The following RB1 variants were observed in gnomAD, a reference collection of about 807,000 sequenced individuals.
RB1 encodes retinoblastoma-associated protein.
A neutral mutation model predicts 135.4 loss-of-function variants in RB1; 18 were observed. The ratio of observed to expected loss-of-function variants is 0.13; its 90% CI spans 0.09 to 0.20. The LOEUF (loss-of-function observed/expected upper bound fraction) is 0.20. RB1 is among the 10% of genes least tolerant of loss of function. The pLI, the probability that RB1 is intolerant of heterozygous loss-of-function variation, is 1.00. For missense variants in RB1, 868 were observed against 1,110.0 expected, an observed-to-expected ratio of 0.78 and a Z score of 3.10; for synonymous variants, 365 against 373.2, an observed-to-expected ratio of 0.98 and a Z score of 0.25.
In RB1 at chr13:48,319,888, T is replaced by A; in HGVS notation, c.264+12482T>A. 1.2e-5 allele frequency: 4 copies of A among 329,830 alleles called. No homozygotes were observed. The highest frequency in any genetic ancestry group is 1.2e-5 in the Non-Finnish European group (2 of 169,002). 20.4% of individuals were successfully genotyped at this position (329,830 alleles called of 1,614,324 possible). A position where few individuals can be genotyped will look rare whatever the true frequency, so the allele number is the denominator to read the frequency against. On this transcript the variant is annotated intron_variant, in intron 2 of 26. Transcript: ENST00000267163. This position sits in a 1 kb window ranked among gnomAD's most constrained non-coding sequence, Gnocchi z 5.0. ...ACCCTAGTCCTCACTGGATCTCACC[T>A]GGCTGCCAGGGCCACCACCTGAGCC...
At chr13:48,379,503 C>T in intron 13 of RB1, 91 bp from the exon 14 acceptor site, 4 of 1,470,908 alleles carry the variant, frequency 2.7e-6, no homozygotes, top group Non-Finnish European at 3.6e-6. Context: ...CTGGGCAAAA[C>T]AGTGAGACTC....
At chr13:48,408,371 A>G (rs1296234870) in intron 17 of RB1, among the ~76,000 whole-genome samples, 1 of 151,962 alleles carries the variant, frequency 6.6e-6, no homozygotes, top group African/African-American at 2.4e-5. Flanking sequence ...CTGGAAAGCC[A>G]TTTTTCCACA....
intron 16 of RB1, 44 bp downstream of exon 16, chr13:48,380,285 G>C: frequency 2.1e-6 from 3 of 1,400,268 alleles, no homozygotes; most frequent in South Asian, 1.2e-5. Flanking sequence ...TCAATTTAAA[G>C]TTAAAATGTG....
intron 2 of RB1, among the ~76,000 whole-genome samples, chr13:48,325,586 TAA>T (rs1216651272): frequency 6.6e-6 from 1 of 152,228 alleles, no homozygotes; most frequent in African/African-American, 2.4e-5. Flanking sequence ...AGGCAACTAA[TAA>T]AAGTTTCTAG....
At chr13:48,449,682 C>G (rs1284022327) in intron 17 of RB1, among the ~76,000 whole-genome samples, 1 of 152,046 alleles carries the variant, frequency 6.6e-6, no homozygotes, top group Non-Finnish European at 1.5e-5. Flanking sequence ...CATGATTGTG[C>G]CACTGTGCTC....
At chr13:48,409,772 G>A (rs374414618) in intron 17 of RB1, among the ~76,000 whole-genome samples, 1 of 151,384 alleles carries the variant, frequency 6.6e-6, no homozygotes, top group African/African-American at 2.4e-5. Flanking sequence ...GTAGAGACGG[G>A]GTTTCACCAT....
At chr13:48,361,252 G>A (rs1219313158) in intron 7 of RB1, among the ~76,000 whole-genome samples, 3 of 152,042 alleles carry the variant, frequency 2.0e-5, no homozygotes, top group Admixed American at 2.0e-4. Flanking sequence ...TAATTCAAAT[G>A]TACATGTGAA....
intron 7 of RB1, chr13:48,360,551 T>G (rs958359294): frequency 5.7e-6 from 1 of 176,602 alleles, no homozygotes; most frequent in African/African-American, 2.4e-5. Flanking sequence ...TGGGGAAGAG[T>G]GGCCTATTCT....
intron 6 of RB1, among the ~76,000 whole-genome samples, chr13:48,350,045 ATAT>A (rs934837435): frequency 1.3e-5 from 2 of 152,172 alleles, no homozygotes; most frequent in African/African-American, 4.8e-5. Flanking sequence ...TATAAAGCAA[ATAT>A]TATTAGAGCT....
At chr13:48,453,183 T>C (rs549786289) in intron 18 of RB1, 72 bp downstream of exon 18, 1 of 1,391,666 alleles carries the variant, frequency 7.2e-7, no homozygotes, top group East Asian at 2.3e-5. Context: ...AATGTAACAT[T>C]CTATAAAGAA....
At chr13:48,339,395 G>A (rs557508179) in intron 2 of RB1, among the ~76,000 whole-genome samples, 3 of 152,272 alleles carry the variant, frequency 2.0e-5, no homozygotes, top group Non-Finnish European at 4.4e-5. Flanking sequence ...TCCTAGCCTC[G>A]CTACTGCCTT....
chr13:48,381,497 T>C, intron 17 of RB1, 54 bp downstream of exon 17: 2 of 1,510,118 alleles, frequency 1.3e-6, no homozygotes, highest in Non-Finnish European at 1.8e-6. Context: ...GCTAACAAAT[T>C]ATTGTTAGTG....
At chr13:48,438,556 GT>G (rs776106522) in intron 17 of RB1, among the ~76,000 whole-genome samples, 264 of 145,822 alleles carry the variant, frequency 1.8e-3, no homozygotes, top group Non-Finnish European at 2.7e-3. Context: ...TTACTTATCT[GT>G]TTTTTTTTTC....
At chr13:48,388,675 T>C (rs142284424) in intron 17 of RB1, among the ~76,000 whole-genome samples, 60 of 152,294 alleles carry the variant, frequency 3.9e-4, no homozygotes, top group Non-Finnish European at 7.8e-4. Context: ...CTTTGCTGAG[T>C]AACTGAAGTT....
intron 3 of RB1, among the ~76,000 whole-genome samples, chr13:48,344,249 T>C (rs574385423): frequency 6.6e-6 from 1 of 152,374 alleles, no homozygotes; most frequent in South Asian, 2.1e-4. Context: ...TTAAATCAAC[T>C]TTCCTTTTCC....
chr13:48,318,447 G>T (rs750748415), intron 2 of RB1: 7 of 1,439,954 alleles, frequency 4.9e-6, no homozygotes, highest in Non-Finnish European at 6.7e-6. Flanking sequence ...CTTGTCTTCG[G>T]AGCTCTCCTT....
At chr13:48,476,577 GA>G in intron 24 of RB1, 123 bp from the exon 25 acceptor site, 1 of 1,015,586 alleles carries the variant, frequency 9.8e-7, no homozygotes, top group Non-Finnish European at 1.5e-6. Context: ...CAATGAAGCA[GA>G]AAATTTAAAT....
intron 17 of RB1, among the ~76,000 whole-genome samples, chr13:48,421,797 G>T (rs1184202985): frequency 1.3e-5 from 2 of 152,192 alleles, no homozygotes; most frequent in African/African-American, 4.8e-5. Context: ...TTAATGAAAT[G>T]CAAATCAAAA....
intron 9 of RB1, among the ~76,000 whole-genome samples, chr13:48,367,203 C>T (rs1360006346): frequency 6.6e-6 from 1 of 150,410 alleles, no homozygotes; most frequent in East Asian, 1.9e-4. Context: ...TATTATAATA[C>T]CTATTTTTAT....
Sources: gnomAD v4.1 joint callset for allele counts (sites outside exome capture counted in the v4.1 genomes callset) on GRCh38, gnomAD v4.1.1 for gene constraint, Gnocchi (gnomAD v3.1) non-coding constraint, MANE v1.5 for transcripts, NCBI Gene and HGNC (gene_info 2026-07-23, HGNC 2026-07-21) for gene names.